KLF12: variants seen among roughly 807,000 people sequenced by gnomAD.
KLF12 encodes the protein Krueppel-like factor 12.
KLF12 carries 9 observed loss-of-function variants against 37.8 expected under a neutral mutation model. The observed-to-expected ratio is 0.24, with a 90% confidence interval of 0.14 to 0.42. KLF12 has a LOEUF of 0.42. KLF12 is among the 10% of genes least tolerant of loss of function. The pLI, the probability that KLF12 is intolerant of heterozygous loss-of-function variation, is 1.00. For synonymous variants in KLF12, 208 were observed against 202.1 expected (o/e 1.03, Z -0.25); for missense variants, 411 against 516.0 (o/e 0.80, Z 1.97).
At chr13:74,152,885 GATAATAATA>G in the KLF12 span, among the ~76,000 whole-genome samples, 17,767 of 138,872 alleles carry the variant, frequency 0.13, 1,476 homozygotes, top group African/African-American at 0.24. Context: ...CCCCATTACA[GATAATAATA>G]ATAATAATAA....
chr13:73,941,661 C>A (rs564525329), intron 3 of KLF12, among the ~76,000 whole-genome samples: 2 of 152,220 alleles, frequency 1.3e-5, no homozygotes, highest in South Asian at 2.1e-4. Flanking sequence ...CACCAAAATT[C>A]TAGACTTTGT....
upstream of KLF12, among the ~76,000 whole-genome samples, chr13:74,138,380 C>T (rs1030999999): frequency 6.6e-6 from 1 of 152,154 alleles, no homozygotes; most frequent in African/African-American, 2.4e-5. Context: ...TTTCAAGCCT[C>T]TATTTTTCAT....
At chr13:74,164,254 T>C in the KLF12 span, among the ~76,000 whole-genome samples, 4 of 152,204 alleles carry the variant, frequency 2.6e-5, no homozygotes, top group Non-Finnish European at 4.4e-5. Context: ...TTTTTTGCTT[T>C]TTAAGAAGCT....
chr13:73,805,063 T>C (rs1882485289), intron 5 of KLF12, among the ~76,000 whole-genome samples: 1 of 152,284 alleles, frequency 6.6e-6, no homozygotes, highest in Middle Eastern at 3.4e-3. Flanking sequence ...TTCTCAAGTT[T>C]TTCCATCAAA....
chr13:73,945,738 T>C (rs1315960322), intron 2 of KLF12, among the ~76,000 whole-genome samples: 1 of 152,102 alleles, frequency 6.6e-6, no homozygotes, highest in Non-Finnish European at 1.5e-5. Flanking sequence ...AGAAAACAAA[T>C]TACTGTCAAT....
intron 5 of KLF12, among the ~76,000 whole-genome samples, chr13:73,809,584 T>C (rs1023635074): frequency 5.8e-5 from 7 of 121,020 alleles, no homozygotes; most frequent in South Asian, 3.1e-4. Flanking sequence ...ATTTGATCTA[T>C]GTATAGAATT....
the KLF12 span, among the ~76,000 whole-genome samples, chr13:74,293,315 A>AT: frequency 6.6e-6 from 1 of 152,044 alleles, no homozygotes; most frequent in Non-Finnish European, 1.5e-5. Context: ...GAGGTCTACT[A>AT]TTTTTTCCCC....
chr13:74,244,269 CTT>C, the KLF12 span, among the ~76,000 whole-genome samples: 2 of 152,180 alleles, frequency 1.3e-5, no homozygotes, highest in Non-Finnish European at 2.9e-5. Context: ...GTAGCTTAGT[CTT>C]TTATTTATAA....
chr13:74,028,475 T>C (rs1302896833), intron 1 of KLF12, among the ~76,000 whole-genome samples: 1 of 152,160 alleles, frequency 6.6e-6, no homozygotes, highest in African/African-American at 2.4e-5. Flanking sequence ...TAGAAATATT[T>C]AGCTTAATTT....
chr13:73,687,378 A>G lies in KLF12; in HGVS notation c.*8112T>C, dbSNP rs1345560654. The G allele has an allele frequency of 6.5e-6, 1 of 152,672 alleles. No individual in the cohort carries two copies. The highest frequency in any genetic ancestry group is 1.5e-5 in the Non-Finnish European group (1 of 68,050). 9.5% of individuals were successfully genotyped at this position (152,672 alleles called of 1,614,324 possible). A position where few individuals can be genotyped will look rare whatever the true frequency, so the allele number is the denominator to read the frequency against. ...GATTTTTCAAAATGAAGCTTTAAACACAACAAATCGTGGACAGACACGTTG... is the reference window on the plus strand; with the variant it reads ...GATTTTTCAAAATGAAGCTTTAAACGCAACAAATCGTGGACAGACACGTTG... On this transcript the variant is annotated 3_prime_UTR_variant, in exon 8 of 8. Coordinates refer to ENST00000377669, the MANE Select transcript of KLF12 (RefSeq NM_007249.5).
the KLF12 span, among the ~76,000 whole-genome samples, chr13:74,150,469 G>A: frequency 3.3e-5 from 5 of 152,202 alleles, no homozygotes; most frequent in African/African-American, 1.2e-4. Flanking sequence ...TTCATGACCT[G>A]TGGCTGTAAT....
chr13:73,875,202 G>A (rs1886648412), intron 3 of KLF12, among the ~76,000 whole-genome samples: 1 of 151,826 alleles, frequency 6.6e-6, no homozygotes, highest in South Asian at 2.1e-4. Flanking sequence ...ATTAATATAA[G>A]TTAGGAAGCA....
chr13:73,814,398 T>A (rs1883106122), intron 4 of KLF12, among the ~76,000 whole-genome samples: 1 of 152,234 alleles, frequency 6.6e-6, no homozygotes, highest in Non-Finnish European at 1.5e-5. Flanking sequence ...TTGCTGAGAA[T>A]GTACCATTTT....
At chr13:73,729,233 T>C (rs78126987) in intron 6 of KLF12, among the ~76,000 whole-genome samples, 11,248 of 152,260 alleles carry the variant, frequency 0.074, 710 homozygotes, top group African/African-American at 0.17. Context: ...GTATCATGTG[T>C]TATTTACTTT....
At chr13:73,722,008 C>T (rs1433921215) in intron 6 of KLF12, among the ~76,000 whole-genome samples, 1 of 152,142 alleles carries the variant, frequency 6.6e-6, no homozygotes. Flanking sequence ...TACAATTGTA[C>T]CAAAAAGAAT....
At chr13:74,248,943 C>T in the KLF12 span, among the ~76,000 whole-genome samples, 1 of 151,934 alleles carries the variant, frequency 6.6e-6, no homozygotes, top group African/African-American at 2.4e-5. Flanking sequence ...TGTGTGGGAA[C>T]AATGGACAGT....
Position 73,693,482 on chromosome 13 carries a change from A to G in KLF12, c.*2008T>C, listed in dbSNP as rs1873933126. The G allele has an allele frequency of 6.6e-6, 1 of 152,168 alleles. No homozygotes were observed. The highest frequency in any genetic ancestry group is 2.1e-4 in the South Asian group (1 of 4,830). 9.4% of individuals were successfully genotyped at this position (152,168 alleles called of 1,614,324 possible). A position where few individuals can be genotyped will look rare whatever the true frequency, so the allele number is the denominator to read the frequency against. On this transcript the variant is annotated 3_prime_UTR_variant, in exon 8 of 8. Coordinates refer to ENST00000377669, the MANE Select transcript of KLF12 (RefSeq NM_007249.5). ...CACATATTTGTGAAGCCATAATTTG[A>G]CCTGAAAATCATTACACTGTTGCTT...
chr13:74,053,254 G>C (rs1798804043), intron 1 of KLF12, among the ~76,000 whole-genome samples: 3 of 152,122 alleles, frequency 2.0e-5, no homozygotes, highest in Admixed American at 1.3e-4. Context: ...GTGAAAAACT[G>C]ACTATATCCT....
chr13:73,914,980 T>G (rs1005155908), intron 3 of KLF12, among the ~76,000 whole-genome samples: 1 of 152,196 alleles, frequency 6.6e-6, no homozygotes, highest in Non-Finnish European at 1.5e-5. Context: ...ACTTATCCTA[T>G]TTTAATTCTG....
Sources: allele counts gnomAD v4.1 joint callset (sites outside exome capture counted in the v4.1 genomes callset), GRCh38; gene constraint gnomAD v4.1.1; transcripts MANE v1.5; gene names NCBI Gene and HGNC (gene_info 2026-07-23, HGNC 2026-07-21).